The following YWHAZ variants were observed in gnomAD, a reference collection of about 807,000 sequenced individuals.
YWHAZ encodes the protein 14-3-3 protein zeta/delta.
For missense variants in YWHAZ, 79 were observed against 284.8 expected (o/e 0.28, Z 5.20); for synonymous variants, 87 against 103.6 (o/e 0.84, Z 0.97).
chr8:100,927,335 G>A lies in YWHAZ; in HGVS notation c.295-2296C>T, dbSNP rs1037387240. Among the ~76,000 whole-genome samples the A allele has an allele frequency of 2.6e-5, 4 of 152,214 alleles. No individual in the cohort carries two copies. In the East Asian group the frequency reaches 5.8e-4, roughly 22 times the overall value. On this transcript the variant is annotated intron_variant, in intron 2 of 5. Coordinates refer to ENST00000395958, the MANE Select transcript of YWHAZ (RefSeq NM_145690.3). ...GAGTCCAGGAGTTTGAGACCACCCC[G>A]GTGAACATGAGATCCTGCCTCTACA... is the stretch of plus-strand genomic sequence containing the variant.
At chr8:100,950,300 C>T in intron 1 of YWHAZ, 2 of 882,818 alleles carry the variant, frequency 2.3e-6, no homozygotes, top group African/African-American at 3.6e-5. Context: ...TCCCCAATCA[C>T]TTCGGTACAA....
intron 2 of YWHAZ, among the ~76,000 whole-genome samples, chr8:100,931,390 A>C (rs3105452): frequency 1.1e-4 from 17 of 151,890 alleles, no homozygotes; most frequent in Non-Finnish European, 2.1e-4. Context: ...TGAACTGAGA[A>C]TCTATCTCTA....
chr8:100,927,531 G>C (rs2130148852), intron 2 of YWHAZ, among the ~76,000 whole-genome samples: 1 of 152,274 alleles, frequency 6.6e-6, no homozygotes, highest in South Asian at 2.1e-4. Flanking sequence ...GTCTCAAAAA[G>C]AGTAACACTG....
At chr8:100,949,364 C>G (rs1810535321) in intron 1 of YWHAZ, among the ~76,000 whole-genome samples, 2 of 152,044 alleles carry the variant, frequency 1.3e-5, no homozygotes, top group Admixed American at 6.5e-5. Flanking sequence ...TTTAATGTAA[C>G]TCACGTCTTT....
At chr8:100,931,042 T>C (rs556665801) in intron 2 of YWHAZ, among the ~76,000 whole-genome samples, 2 of 150,656 alleles carry the variant, frequency 1.3e-5, no homozygotes, top group African/African-American at 4.8e-5. Flanking sequence ...GTAAATTACA[T>C]GAAATTTGAG....
intron 2 of YWHAZ, among the ~76,000 whole-genome samples, chr8:100,932,455 G>C (rs948712071): frequency 1.3e-5 from 2 of 151,948 alleles, no homozygotes; most frequent in Non-Finnish European, 2.9e-5. Flanking sequence ...ACCCTAAACG[G>C]TAACAATACT....
At position 100,924,879 on chromosome 8, in the gene YWHAZ, T is replaced by C. The variant is rs746299620; in HGVS notation, c.418+37A>G. 1.9e-6 allele frequency: 3 copies of C among 1,610,502 alleles called. No homozygotes were observed. The highest frequency in any genetic ancestry group is 1.1e-5 in the South Asian group (1 of 90,906). ...GAGACTCTTCCTCACTATGTTATCT[T>C]ATACAAGTTCAACCAACAGGTTTAA... On this transcript the variant is annotated intron_variant, in intron 3 of 5. Coordinates refer to ENST00000395958, the MANE Select transcript of YWHAZ (RefSeq NM_145690.3). The surrounding 1 kb of genome is among the most constrained non-coding windows in gnomAD (Gnocchi z 5.7).
chr8:100,924,123 T>A lies in YWHAZ; in HGVS notation c.582+12A>T. 1 of 1,610,532 alleles carries A rather than the reference T, an allele frequency of 6.2e-7. No homozygotes were observed. Among genetic ancestry groups the A allele is most frequent in the Non-Finnish European group, 8.5e-7 (1 of 1,178,800 alleles). On this transcript the variant is annotated intron_variant, in intron 4 of 5. Transcript: ENST00000395958. This position sits in a 1 kb window ranked among gnomAD's most constrained non-coding sequence, Gnocchi z 5.7. ...GACTGCTAAATTTCTACGTAACAGG[T>A]AAAATACATACTGTCTTTGCAAGAG...
intron 1 of YWHAZ, chr8:100,951,088 C>T (rs1164542739): frequency 2.5e-4 from 181 of 730,446 alleles, no homozygotes; most frequent in Non-Finnish European, 3.0e-4. Context: ...TCAGACCCAT[C>T]CCCCACCCCC....
At chr8:100,949,865 G>T (rs1015257854) in intron 1 of YWHAZ, among the ~76,000 whole-genome samples, 1 of 152,050 alleles carries the variant, frequency 6.6e-6, no homozygotes, top group Non-Finnish European at 1.5e-5. Context: ...ACATTTTTCT[G>T]GAAAGATACC....
At chr8:100,950,510 C>T (rs1182422703) in intron 1 of YWHAZ, 20 of 985,498 alleles carry the variant, frequency 2.0e-5, no homozygotes, top group African/African-American at 3.5e-5. Flanking sequence ...CCAGGCTCCG[C>T]CCAAGTCGGA....
At chr8:100,951,472 C>CCCGCCG (rs558796339) in intron 1 of YWHAZ, 368 of 980,142 alleles carry the variant, frequency 3.8e-4, no homozygotes, top group Non-Finnish European at 4.2e-4. Context: ...CACTGCGATG[C>CCCGCCG]CCGCCGCCGC....
chr8:100,944,470 G>C (rs1810119085), intron 2 of YWHAZ, among the ~76,000 whole-genome samples: 1 of 152,160 alleles, frequency 6.6e-6, no homozygotes, highest in South Asian at 2.1e-4. Context: ...GTTGCCAACT[G>C]TTATAAATGT....
chr8:100,942,125 G>A (rs1200517298), intron 2 of YWHAZ, among the ~76,000 whole-genome samples: 1 of 152,196 alleles, frequency 6.6e-6, no homozygotes, highest in African/African-American at 2.4e-5. Context: ...CTTACATGCT[G>A]AAACTTTTTA....
In YWHAZ at chr8:100,917,221, CATA is replaced by C. The variant is rs981310457; in HGVS notation, c.*3469_*3471del. ...ACTGGTGACTCTTTTGCAGGAAAAA[CATA>C]ATAAACAAATTGAGCCCCAAAATTA... is the stretch of plus-strand genomic sequence containing the variant. On this transcript the variant is annotated 3_prime_UTR_variant, in exon 6 of 6. Coordinates refer to ENST00000395958, the MANE Select transcript of YWHAZ (RefSeq NM_145690.3). 4.6e-5 allele frequency: 7 copies of C among 152,152 alleles called. No individual in the cohort carries two copies. The highest frequency in any genetic ancestry group is 1.7e-4 in the African/African-American group (7 of 41,430). 9.4% of individuals were successfully genotyped at this position (152,152 alleles called of 1,614,324 possible). A position where few individuals can be genotyped will look rare whatever the true frequency, so the allele number is the denominator to read the frequency against.
chr8:100,933,894 C>T (rs961914039), intron 2 of YWHAZ, among the ~76,000 whole-genome samples: 20 of 152,040 alleles, frequency 1.3e-4, no homozygotes, highest in African/African-American at 3.9e-4. Context: ...CGGTGGCTAA[C>T]GCCTGTAATC....
At chr8:100,939,390 T>C (rs527879261) in intron 2 of YWHAZ, among the ~76,000 whole-genome samples, 2 of 152,322 alleles carry the variant, frequency 1.3e-5, no homozygotes, top group South Asian at 4.1e-4. Context: ...CTGGGCACGG[T>C]GGCTCACACC....
In YWHAZ at chr8:100,918,444, A is replaced by ATATATATATATATAT. The variant is rs57486163; in HGVS notation, c.*2248_*2249insATATATATATATATA. 257 of 108,690 alleles carry ATATATATATATATAT rather than the reference A, an allele frequency of 2.4e-3. No homozygotes were observed. The highest frequency in any genetic ancestry group is 2.9e-3 in the Non-Finnish European group (158 of 53,590). 6.7% of individuals were successfully genotyped at this position (108,690 alleles called of 1,614,324 possible). ...TATATATATATATATATATATATAT[A>ATATATATATATATAT]ATTATTTTACCTCCTTGGCTTGGGG... is the stretch of plus-strand genomic sequence containing the variant. On this transcript the variant is annotated 3_prime_UTR_variant, in exon 6 of 6. Coordinates refer to ENST00000395958, the MANE Select transcript of YWHAZ (RefSeq NM_145690.3).
At chr8:100,952,534 T>A (rs1211347077), upstream of YWHAZ, 1 of 157,128 alleles carries the variant, frequency 6.4e-6, no homozygotes, top group Non-Finnish European at 1.4e-5. Context: ...GGGGCTCCCG[T>A]TCAGCAACAT....
Sources: allele counts gnomAD v4.1 joint callset (sites outside exome capture counted in the v4.1 genomes callset), GRCh38; gene constraint gnomAD v4.1.1; non-coding constraint Gnocchi (gnomAD v3.1); transcripts MANE v1.5; gene names NCBI Gene and HGNC (gene_info 2026-07-23, HGNC 2026-07-21).